CNTNAP3B: variants seen among roughly 807,000 people sequenced by gnomAD.
CNTNAP3B encodes contactin-associated protein-like 3B.
CNTNAP3B carries 25 observed loss-of-function variants against 108.9 expected under a neutral mutation model. That is an observed-to-expected ratio of 0.23 (90% confidence interval 0.17 to 0.32). The LOEUF (loss-of-function observed/expected upper bound fraction) is 0.32. CNTNAP3B is among the 10% of genes least tolerant of loss of function. The pLI is 1.00. For synonymous variants in CNTNAP3B, 103 were observed against 473.4 expected (o/e 0.22, Z 10.16); for missense variants, 252 against 1,210.4 (o/e 0.21, Z 11.75).
chr9:42,056,383 C>A (rs1827070992), intron 3 of CNTNAP3B, among the ~76,000 whole-genome samples: 1 of 138,194 alleles, frequency 7.2e-6, no homozygotes, highest in African/African-American at 2.8e-5. Flanking sequence ...CGGAGTCTTG[C>A]TCTGTCGCCC....
intron 1 of CNTNAP3B, among the ~76,000 whole-genome samples, chr9:42,116,802 AG>A (rs1346293643): frequency 1.4e-5 from 2 of 138,500 alleles, no homozygotes; most frequent in Admixed American, 7.2e-5. Flanking sequence ...AGACACACAT[AG>A]GCTCAAAATA....
At chr9:41,938,586 C>A (rs1175581895) in intron 13 of CNTNAP3B, among the ~76,000 whole-genome samples, 186 bp from the exon 14 acceptor site, 2 of 152,258 alleles carry the variant, frequency 1.3e-5, no homozygotes, top group Non-Finnish European at 2.9e-5. Context: ...AATGTTTTTC[C>A]CCCAATATTT....
chr9:41,932,332 T>G (rs1452245868), intron 14 of CNTNAP3B, among the ~76,000 whole-genome samples: 14 of 152,002 alleles, frequency 9.2e-5, no homozygotes, highest in Non-Finnish European at 1.3e-4. Context: ...ATTAAAATTT[T>G]TATTTATTAG....
intron 2 of CNTNAP3B, among the ~76,000 whole-genome samples, chr9:42,094,534 G>T (rs1022415340): frequency 7.6e-6 from 1 of 130,896 alleles, no homozygotes; most frequent in African/African-American, 3.1e-5. Flanking sequence ...ATGTGACTGT[G>T]GTCCCAGCTA....
chr9:41,960,000 T>C (rs1160991166), intron 12 of CNTNAP3B: 7 of 68,758 alleles, frequency 1.0e-4, no homozygotes, highest in African/African-American at 3.1e-4. Context: ...TTTTTCCTTT[T>C]TTTTTTTTTT....
intron 3 of CNTNAP3B, among the ~76,000 whole-genome samples, chr9:42,036,095 G>A (rs1303907949): frequency 3.3e-5 from 5 of 149,950 alleles, no homozygotes; most frequent in East Asian, 2.0e-4. Flanking sequence ...GCATCACAGG[G>A]AGACTCCGTC....
chr9:41,937,265 T>A (rs1255076777), intron 14 of CNTNAP3B, among the ~76,000 whole-genome samples: 6 of 151,478 alleles, frequency 4.0e-5, no homozygotes, highest in African/African-American at 1.2e-4. Context: ...CAGCTGGGAC[T>A]ACAGGCACAC....
chr9:41,960,595 A>G (rs1280541198), intron 12 of CNTNAP3B, among the ~76,000 whole-genome samples, 178 bp downstream of exon 12: 1 of 152,296 alleles, frequency 6.6e-6, no homozygotes, highest in South Asian at 2.1e-4. Flanking sequence ...CTATAATCCA[A>G]CCCAGGCAAA....
intron 3 of CNTNAP3B, among the ~76,000 whole-genome samples, chr9:42,043,004 C>T: frequency 6.7e-6 from 1 of 150,002 alleles, no homozygotes; most frequent in African/African-American, 2.5e-5. Flanking sequence ...TCATCATCAT[C>T]ATCATCATAG....
intron 3 of CNTNAP3B, among the ~76,000 whole-genome samples, chr9:42,016,618 A>G: frequency 6.6e-6 from 1 of 151,716 alleles, no homozygotes; most frequent in Non-Finnish European, 1.5e-5. Context: ...CTTTTATAGA[A>G]ATATGCAGCC....
At chr9:41,959,844 C>G (rs1159972415) in intron 12 of CNTNAP3B, among the ~76,000 whole-genome samples, 1 of 152,302 alleles carries the variant, frequency 6.6e-6, no homozygotes. Context: ...AACCTTTTGT[C>G]AGCACAATAA....
intron 3 of CNTNAP3B, among the ~76,000 whole-genome samples, chr9:42,014,756 A>C (rs1587200081): frequency 1.8e-5 from 1 of 56,386 alleles, no homozygotes; most frequent in Non-Finnish European, 3.2e-5. Context: ...GTGCCACTGC[A>C]CTCCAGCCTG....
intron 3 of CNTNAP3B, among the ~76,000 whole-genome samples, chr9:42,070,574 G>A (rs1432029662): frequency 2.0e-5 from 3 of 146,852 alleles, no homozygotes; most frequent in African/African-American, 5.2e-5. Context: ...TTTCCCTACT[G>A]TCAACCAACT....
intron 9 of CNTNAP3B, among the ~76,000 whole-genome samples, chr9:41,973,696 A>C (rs533528298): frequency 7.2e-6 from 1 of 139,582 alleles, no homozygotes; most frequent in African/African-American, 2.8e-5. Context: ...AATGCAAAAA[A>C]CTGCAGGCTA....
intron 15 of CNTNAP3B, among the ~76,000 whole-genome samples, chr9:41,928,460 C>T (rs1191468747): frequency 9.2e-5 from 14 of 151,756 alleles, no homozygotes; most frequent in African/African-American, 2.9e-4. Context: ...GAGTACACAT[C>T]GATAGTGATG....
At chr9:41,962,373 AT>A (rs1317324014) in intron 11 of CNTNAP3B, among the ~76,000 whole-genome samples, 1 of 152,254 alleles carries the variant, frequency 6.6e-6, no homozygotes, top group Non-Finnish European at 1.5e-5. Context: ...ATCTCCTGAT[AT>A]TTTCCCTCAG....
intron 3 of CNTNAP3B, among the ~76,000 whole-genome samples, chr9:42,036,531 G>A (rs1219162488): frequency 7.4e-6 from 1 of 135,878 alleles, no homozygotes; most frequent in Admixed American, 7.3e-5. Flanking sequence ...GCTTGAGTAG[G>A]TAAACAAAGC....
intron 9 of CNTNAP3B, among the ~76,000 whole-genome samples, chr9:41,973,165 T>C (rs1825456815): frequency 1.4e-5 from 2 of 144,156 alleles, no homozygotes; most frequent in South Asian, 4.7e-4. Context: ...GCCAGGATGG[T>C]TTTGATCTCC....
At chr9:41,957,131 ACTCCATCT>A in intron 12 of CNTNAP3B, among the ~76,000 whole-genome samples, 1 of 48,194 alleles carries the variant, frequency 2.1e-5, no homozygotes, top group Non-Finnish European at 3.8e-5. Context: ...CGAGAGTAAA[ACTCCATCT>A]CAAAAAAAGG....
Sources: gnomAD v4.1 joint callset for allele counts (sites outside exome capture counted in the v4.1 genomes callset) on GRCh38, gnomAD v4.1.1 for gene constraint, MANE v1.5 for transcripts, NCBI Gene and HGNC (gene_info 2026-07-23, HGNC 2026-07-21) for gene names.